Variants in CNST observed in about 807,000 individuals in gnomAD.
CNST encodes the protein consortin, connexin sorting protein, also known as consortin.
In CNST, 39 loss-of-function variants were observed where a neutral mutation model predicts 72.4. That is an observed-to-expected ratio of 0.54 (90% CI 0.42 to 0.70). The LOEUF (loss-of-function observed/expected upper bound fraction) is 0.70, where lower values mean the gene tolerates loss of function less well. Among genes scored for constraint, CNST ranks in the 30% least tolerant of loss-of-function variants. CNST has a pLI of 0.00. For synonymous variants in CNST, 332 were observed against 320.1 expected (o/e 1.04, Z -0.40); for missense variants, 871 against 868.5 (o/e 1.00, Z -0.04).
rs1163439491 is a variant in CNST, at chr1:246,631,890, A to G, written c.586-4A>G. 1 of 1,537,032 alleles carries G rather than the reference A, an allele frequency of 6.5e-7. No individual in the cohort carries two copies. ...TTTCTCTGTGTTTTCTTTGTTTTTA[A>G]CAGATAGCAGAATCCTATTTCCAGG... On this transcript the variant is annotated splice_polypyrimidine_tract_variant and splice_region_variant and intron_variant, in intron 3 of 10. Coordinates refer to ENST00000366513, the MANE Select transcript of CNST (RefSeq NM_152609.3).
rs1345774372 is a variant in CNST, at chr1:246,614,725, C to T, written c.380-6704C>T. Among the ~76,000 whole-genome samples, 4 of 152,128 alleles carry T rather than the reference C, an allele frequency of 2.6e-5. No homozygotes were observed. In the East Asian group the frequency reaches 7.7e-4, roughly 29 times the overall value. On this transcript the variant is annotated intron_variant, in intron 2 of 10. Coordinates refer to ENST00000366513, the MANE Select transcript of CNST (RefSeq NM_152609.3). ...GACCTCGTGATCTGCCCACCTCAGCCTCCCAAAGTGCTGAGATTACAGATG... is the reference window on the plus strand; with the variant it reads ...GACCTCGTGATCTGCCCACCTCAGCTTCCCAAAGTGCTGAGATTACAGATG...
chr1:246,585,661 AAAT>A (rs1343766128), intron 1 of CNST, among the ~76,000 whole-genome samples: 3,163 of 58,310 alleles, frequency 0.054, 150 homozygotes, highest in Middle Eastern at 0.1. Context: ...AAAAAAAAAA[AAAT>A]ATACACACAC....
chr1:246,593,830 A>G (rs917963396), intron 2 of CNST, among the ~76,000 whole-genome samples: 4 of 152,074 alleles, frequency 2.6e-5, no homozygotes, highest in Admixed American at 6.6e-5. Flanking sequence ...TGGCGTGACC[A>G]TGGCTCTCTG....
At chr1:246,574,631 A>T (rs114528134) in intron 1 of CNST, among the ~76,000 whole-genome samples, 2 of 151,750 alleles carry the variant, frequency 1.3e-5, no homozygotes, top group African/African-American at 2.4e-5. Context: ...GTGTTGCCCC[A>T]GCTGGTCTAG....
intron 4 of CNST, among the ~76,000 whole-genome samples, chr1:246,633,502 G>A (rs1335264047): frequency 6.6e-6 from 1 of 151,606 alleles, no homozygotes; most frequent in East Asian, 2.0e-4. Flanking sequence ...CAGCACTTTG[G>A]GAGGCCGAGG....
intron 2 of CNST, among the ~76,000 whole-genome samples, chr1:246,592,312 C>T (rs905208661): frequency 7.2e-5 from 11 of 152,090 alleles, no homozygotes; most frequent in Non-Finnish European, 1.2e-4. Context: ...CATGGTGAAA[C>T]GCCATCTCTA....
chr1:246,585,816 A>G (rs1275132616), intron 1 of CNST, among the ~76,000 whole-genome samples: 1 of 151,958 alleles, frequency 6.6e-6, no homozygotes, highest in Non-Finnish European at 1.5e-5. Flanking sequence ...GTGGTGGCAT[A>G]CATCTGTAAT....
intron 9 of CNST, among the ~76,000 whole-genome samples, chr1:246,656,295 A>G (rs1281413342): frequency 1.3e-5 from 2 of 152,220 alleles, no homozygotes; most frequent in African/African-American, 2.4e-5. Flanking sequence ...AAGAGTTGCG[A>G]ATAATTTTGT....
At position 246,647,848 on chromosome 1, in the gene CNST, C is replaced by G; in HGVS notation, c.1647C>G (p.Asn549Lys). Residue 549 changes from asparagine (N) to lysine (K), a missense_variant, in exon 9 of 11, where the codon AAC becomes AAG. By Grantham distance (94) the Asn-to-Lys change is moderately conservative. Transcript: ENST00000366513. ...QLNKETEDYL[N>K]SLLEGCLKDT... ...ACAAAGAAACAGAAGACTATTTGAA[C>G]AGCCTTTTAGAAGGATGTTTAAAAG... 1 of 1,614,180 alleles carries G rather than the reference C, an allele frequency of 6.2e-7. No individual in the cohort carries two copies. Among genetic ancestry groups the G allele is most frequent in the Non-Finnish European group, 8.5e-7 (1 of 1,180,040 alleles).
At chr1:246,579,438 C>T (rs1660648791) in intron 1 of CNST, among the ~76,000 whole-genome samples, 1 of 152,200 alleles carries the variant, frequency 6.6e-6, no homozygotes, top group African/African-American at 2.4e-5. Flanking sequence ...ACTCTTAGTG[C>T]TATGCATCTT....
chr1:246,646,937 T>G (rs1666119177), intron 8 of CNST, among the ~76,000 whole-genome samples: 1 of 152,248 alleles, frequency 6.6e-6, no homozygotes, highest in Admixed American at 6.5e-5. Context: ...TGCTTTTGAA[T>G]AATCCCTGTT....
At chr1:246,616,486 A>T (rs905883491) in intron 2 of CNST, among the ~76,000 whole-genome samples, 2 of 152,048 alleles carry the variant, frequency 1.3e-5, no homozygotes, top group Non-Finnish European at 2.9e-5. Context: ...TGAGCCTGGG[A>T]GGTTGAGGCT....
intron 9 of CNST, among the ~76,000 whole-genome samples, chr1:246,650,324 G>A (rs888557156): frequency 6.6e-6 from 1 of 152,052 alleles, no homozygotes; most frequent in Admixed American, 6.5e-5. Context: ...GATCTATTAA[G>A]TTAAGCTATT....
intron 9 of CNST, among the ~76,000 whole-genome samples, chr1:246,649,153 G>GT (rs1666302625): frequency 9.8e-6 from 1 of 102,138 alleles, no homozygotes; most frequent in Non-Finnish European, 2.0e-5. Context: ...TCTACAGACT[G>GT]TTGTTTTGTT....
At chr1:246,645,051 C>T (rs1165031475) in intron 8 of CNST, among the ~76,000 whole-genome samples, 1 of 152,092 alleles carries the variant, frequency 6.6e-6, no homozygotes, top group African/African-American at 2.4e-5. Flanking sequence ...CAAAGGTGAC[C>T]CCTTCTTCCT....
intron 9 of CNST, among the ~76,000 whole-genome samples, chr1:246,652,737 G>A (rs555860468): frequency 6.6e-6 from 1 of 152,044 alleles, no homozygotes; most frequent in Admixed American, 6.6e-5. Context: ...GGGCACAGTG[G>A]CTCACGCCTG....
chr1:246,663,137 C>T lies in CNST; in HGVS notation c.1973-2563C>T, dbSNP rs547042111. 2.0e-5 allele frequency among the ~76,000 whole-genome samples: 3 copies of T among 151,946 alleles called. No homozygotes were observed. The South Asian group carries it at 6.3e-4, about 32-fold the overall frequency. ...TCCCAAGTCTTCCTCCTGGATCACT[C>T]GAGGCCAGGAGTTGGAGACCAGCCT... On this transcript the variant is annotated intron_variant, in intron 10 of 10. Transcript: ENST00000366513.
chr1:246,582,581 A>T (rs940157817), intron 1 of CNST, among the ~76,000 whole-genome samples: 1 of 152,124 alleles, frequency 6.6e-6, no homozygotes, highest in African/African-American at 2.4e-5. Context: ...CTAGGGGAAG[A>T]AAAGATGGTC....
At position 246,586,225 on chromosome 1, in the gene CNST, T is replaced by C. The variant is rs1572131030; in HGVS notation, c.-51-5287T>C. Among the ~76,000 whole-genome samples, 5 of 147,484 alleles carry C rather than the reference T, an allele frequency of 3.4e-5. No individual in the cohort carries two copies. In the South Asian group the frequency reaches 1.0e-3, roughly 31 times the overall value. On this transcript the variant is annotated intron_variant, in intron 1 of 10. Transcript: ENST00000366513. Reference sequence around the variant, plus strand: ...TCTTTATTATATAGTATATATAATATATACCTTTTATTATATCTGATATAT... The same window carrying C: ...TCTTTATTATATAGTATATATAATACATACCTTTTATTATATCTGATATAT...
Sources: gnomAD v4.1 joint callset for allele counts (sites outside exome capture counted in the v4.1 genomes callset) on GRCh38, gnomAD v4.1.1 for gene constraint, MANE v1.5 for transcripts, NCBI Gene and HGNC (gene_info 2026-07-23, HGNC 2026-07-21) for gene names.